Variants in CYRIB observed in about 807,000 individuals in gnomAD.
CYRIB encodes the protein CYFIP-related Rac1 interactor B.
Under a neutral mutation model 44.2 loss-of-function variants are expected in CYRIB, and 8 were observed. The ratio of observed to expected loss-of-function variants is 0.18; its 90% CI spans 0.11 to 0.33. The LOEUF (loss-of-function observed/expected upper bound fraction) is 0.33, where lower values mean the gene tolerates loss of function less well. Ranked by LOEUF, CYRIB falls within the 10% of genes least tolerant of loss-of-function variation. The probability of loss-of-function intolerance (pLI) is 1.00; values close to 1 mark genes in which losing one functional copy is unlikely to be tolerated. For missense variants in CYRIB, 185 were observed against 382.8 expected, an observed-to-expected ratio of 0.48 and a Z score of 4.31; for synonymous variants, 131 against 127.2, an observed-to-expected ratio of 1.03 and a Z score of -0.20.
At chr8:129,945,819 C>T (rs2094104605) in intron 2 of CYRIB, among the ~76,000 whole-genome samples, 1 of 152,102 alleles carries the variant, frequency 6.6e-6, no homozygotes, top group African/African-American at 2.4e-5. Flanking sequence ...GTGGATCTGC[C>T]CACCTTGGCC....
chr8:129,918,192 G>GA (rs947779957), intron 1 of CYRIB, among the ~76,000 whole-genome samples: 11 of 152,040 alleles, frequency 7.2e-5, no homozygotes, highest in Non-Finnish European at 1.5e-4. Flanking sequence ...CATGGTATTT[G>GA]TTTTTTTAAG....
intron 2 of CYRIB, among the ~76,000 whole-genome samples, chr8:129,946,931 T>A (rs2094182114): frequency 6.6e-6 from 1 of 152,002 alleles, no homozygotes; most frequent in Admixed American, 6.6e-5. Flanking sequence ...AGTTCCCCCA[T>A]CACCCTTCCA....
chr8:129,976,845 T>C (rs959006868), intron 1 of CYRIB, among the ~76,000 whole-genome samples: 2 of 150,930 alleles, frequency 1.3e-5, no homozygotes, highest in Non-Finnish European at 3.0e-5. Flanking sequence ...TTTTTTGGGG[T>C]TTTTTTTTAA....
exon 4 of CYRIB, chr8:129,871,387 G>A (rs780406641): frequency 6.9e-6 from 11 of 1,605,016 alleles, no homozygotes; most frequent in Non-Finnish European, 9.3e-6. Context: ...CTCGTATTTC[G>A]TGGCCAGCTC....
At chr8:129,999,438 C>T (rs1322714886) in intron 1 of CYRIB, among the ~76,000 whole-genome samples, 1 of 152,264 alleles carries the variant, frequency 6.6e-6, no homozygotes, top group Non-Finnish European at 1.5e-5. Flanking sequence ...GATGCAGAGG[C>T]AAGGCCCACG....
intron 1 of CYRIB, among the ~76,000 whole-genome samples, chr8:129,918,175 G>A (rs918715215): frequency 1.3e-5 from 2 of 151,998 alleles, no homozygotes; most frequent in Non-Finnish European, 2.9e-5. Context: ...CCAAGCCTAC[G>A]GTACACCATG....
chr8:129,882,677 T>C (rs909644382), intron 2 of CYRIB, among the ~76,000 whole-genome samples: 1 of 152,094 alleles, frequency 6.6e-6, no homozygotes, highest in Admixed American at 6.6e-5. Context: ...TTGGGGAAAA[T>C]TTTGGAACTA....
chr8:129,991,133 G>GA lies in CYRIB; in HGVS notation c.-295-20139dup, dbSNP rs35682865. Among the ~76,000 whole-genome samples, 457 of 67,656 alleles carry GA rather than the reference G, an allele frequency of 6.8e-3. 4 individuals are homozygous for GA. Among genetic ancestry groups the GA allele is most frequent in the East Asian group, 0.023 (48 of 2,128 alleles). The allele number at this position is 67,656 out of a possible 152,430, so 44.4% of individuals were successfully genotyped here. ...GGCAACAGAGCGAGACTCTGTCTCA[G>GA]AAAAAAAAAAAAAAAAAAAAAAGGT... On this transcript the variant is annotated intron_variant, in intron 1 of 14. Coordinates refer to the CYRIB transcript ENST00000401979.
At chr8:130,017,123 T>G (rs2134863228), upstream of CYRIB, 1 of 152,328 alleles carries the variant, frequency 6.6e-6, no homozygotes, top group East Asian at 1.9e-4. Context: ...AGATACTTAC[T>G]GGGCCTACTA....
chr8:129,976,108 A>G (rs1189990187), intron 1 of CYRIB, among the ~76,000 whole-genome samples: 1 of 152,164 alleles, frequency 6.6e-6, no homozygotes, highest in Non-Finnish European at 1.5e-5. Flanking sequence ...AAAAATTTAA[A>G]TAATTACTCC....
intron 1 of CYRIB, among the ~76,000 whole-genome samples, chr8:129,910,503 TTAA>T (rs2136246716): frequency 6.8e-6 from 1 of 146,486 alleles, no homozygotes; most frequent in South Asian, 2.2e-4. Context: ...TTTTTTTTTT[TTAA>T]AGAGACAAGG....
chr8:129,976,845 T>G (rs959006868), intron 1 of CYRIB, among the ~76,000 whole-genome samples: 17 of 150,930 alleles, frequency 1.1e-4, no homozygotes, highest in Admixed American at 3.3e-4. Flanking sequence ...TTTTTTGGGG[T>G]TTTTTTTTAA....
chr8:129,997,478 G>A (rs548088626), intron 1 of CYRIB, among the ~76,000 whole-genome samples: 2 of 152,324 alleles, frequency 1.3e-5, no homozygotes, highest in East Asian at 3.9e-4. Context: ...ATAAAATCAC[G>A]GGAAAATGCT....
chr8:129,922,863 CA>C lies in CYRIB; in HGVS notation c.-50+16744del, dbSNP rs1240350053. 6.3e-3 allele frequency among the ~76,000 whole-genome samples: 772 copies of C among 122,058 alleles called. 5 individuals are homozygous for C. Among genetic ancestry groups the C allele is most frequent in the African/African-American group, 0.02 (666 of 33,330 alleles). The allele number at this position is 122,058 out of a possible 152,430, so 80.1% of individuals were successfully genotyped here. A position where few individuals can be genotyped will look rare whatever the true frequency, so the allele number is the denominator to read the frequency against. On this transcript the variant is annotated intron_variant, in intron 1 of 11. Transcript: ENST00000519824. ...GGGCGACAGAGTGAGACTCCGTCTC[CA>C]AAAAAAAAACAAAAAAAGATGCTTT...
exon 3 of CYRIB, chr8:129,879,446 TAAG>T: frequency 6.2e-7 from 1 of 1,610,146 alleles, no homozygotes; most frequent in Non-Finnish European, 8.5e-7. Context: ...GTCAAAACTT[TAAG>T]AAGATTCCCC....
chr8:129,928,257 T>G (rs1441323822), intron 1 of CYRIB, among the ~76,000 whole-genome samples: 1 of 150,976 alleles, frequency 6.6e-6, no homozygotes, highest in Non-Finnish European at 1.5e-5. Context: ...GAGGATTACT[T>G]GAGCCCTGAG....
intron 1 of CYRIB, among the ~76,000 whole-genome samples, chr8:129,936,917 CAG>C (rs2092913279): frequency 6.6e-6 from 1 of 151,994 alleles, no homozygotes; most frequent in Non-Finnish European, 1.5e-5. Flanking sequence ...CCATGTTAGC[CAG>C]GATGGTCTCG....
At chr8:130,006,607 C>CACACATATATATGTATATATATATAT (rs1359122569) in intron 1 of CYRIB, among the ~76,000 whole-genome samples, 361 of 7,112 alleles carry the variant, frequency 0.051, 27 homozygotes, top group Middle Eastern at 0.11. Flanking sequence ...TATATATATA[C>CACACATATATATGTATATATATATAT]ATATATATGT....
chr8:129,903,376 G>A (rs541123578), intron 1 of CYRIB, 26 bp from the exon 4 acceptor site: 2 of 152,622 alleles, frequency 1.3e-5, no homozygotes, highest in East Asian at 3.8e-4. Flanking sequence ...AAAAAAGGAA[G>A]AAAGTCTAAA....
Sources: gnomAD v4.1 joint callset for allele counts (sites outside exome capture counted in the v4.1 genomes callset) on GRCh38, gnomAD v4.1.1 for gene constraint, MANE v1.5 for transcripts, NCBI Gene and HGNC (gene_info 2026-07-23, HGNC 2026-07-21) for gene names.